The following PTPRU variants were observed in gnomAD, a reference collection of about 807,000 sequenced individuals.
PTPRU encodes receptor-type tyrosine-protein phosphatase U.
In PTPRU, 69 loss-of-function variants were observed where a neutral mutation model predicts 166.3. The ratio of observed to expected loss-of-function variants is 0.41; its 90% CI spans 0.34 to 0.51. PTPRU has a LOEUF of 0.51. Ranked by LOEUF, PTPRU falls within the 20% of genes least tolerant of loss-of-function variation. The pLI is 0.09. For missense variants in PTPRU, 1,657 were observed against 2,013.7 expected (o/e 0.82, Z 3.39); for synonymous variants, 793 against 814.0 (o/e 0.97, Z 0.44).
chr1:29,260,431 T>G lies in PTPRU; in HGVS notation c.851-179T>G, dbSNP rs1574624603. On this transcript the variant is annotated intron_variant, in intron 6 of 29. Transcript: ENST00000373779. This position sits in a 1 kb window ranked among gnomAD's most constrained non-coding sequence, Gnocchi z 8.3. Reference sequence around the variant, plus strand: ...GGCGGGGTCAGCCTTTGGAGCCAGGTGCCCCTTAGGGCCCGGGATTTAGTG... The same window carrying G: ...GGCGGGGTCAGCCTTTGGAGCCAGGGGCCCCTTAGGGCCCGGGATTTAGTG... Among the ~76,000 whole-genome samples, 1 of 151,796 alleles carries G rather than the reference T, an allele frequency of 6.6e-6. No homozygotes were observed. The highest frequency in any genetic ancestry group is 2.4e-5 in the African/African-American group (1 of 41,312).
intron 7 of PTPRU, among the ~76,000 whole-genome samples, chr1:29,270,698 C>A (rs1685523530): frequency 6.6e-6 from 1 of 152,152 alleles, no homozygotes; most frequent in South Asian, 2.1e-4. Context: ...TGCAGTGGCT[C>A]ATGCCTGTAA....
intron 15 of PTPRU, among the ~76,000 whole-genome samples, chr1:29,295,840 C>G (rs2151959628): frequency 6.6e-6 from 1 of 152,188 alleles, no homozygotes; most frequent in Non-Finnish European, 1.5e-5. Flanking sequence ...ACGTGCGCCA[C>G]CATGCCCAGC....
Position 29,275,451 on chromosome 1 carries a change from C to A in PTPRU, c.1148C>A (p.Pro383His), listed in dbSNP as rs770800809. The stretch of plus-strand genomic sequence containing the variant: ...CTCTGCTTCCTGCATTCTCCAGAGC[C>A]CATGAGGGCCCCCAAAGGCCTGGCT... The part of the protein sequence containing the change: ...PLISRTKCAE[P>H]MRAPKGLAFA... Residue 383 changes from proline (P) to histidine (H), a missense_variant, in exon 8 of 30, where the codon CCC becomes CAC. Pro to His is a moderately conservative substitution (Grantham distance 77). Coordinates refer to ENST00000373779, the MANE Select transcript of PTPRU (RefSeq NM_133178.4). 6.2e-7 allele frequency: 1 copy of A among 1,612,038 alleles called. No individual in the cohort carries two copies.
Position 29,315,687 on chromosome 1 carries a change from TC to T in PTPRU, c.3363+181del, listed in dbSNP as rs760770765. 2.0e-5 allele frequency among the ~76,000 whole-genome samples: 3 copies of T among 152,206 alleles called. No homozygotes were observed. The highest frequency in any genetic ancestry group is 2.9e-5 in the Non-Finnish European group (2 of 68,034). ...GTCATCCTGAACTGCTCCCCTGTGT[TC>T]TGTTGGGTGGGGTCAGACAACCGGT... On this transcript the variant is annotated intron_variant, in intron 23 of 29. Coordinates refer to ENST00000373779, the MANE Select transcript of PTPRU (RefSeq NM_133178.4). The surrounding 1 kb of genome is among the most constrained non-coding windows in gnomAD (Gnocchi z 4.5).
Position 29,311,779 on chromosome 1 carries a change from G to C in PTPRU, c.3072+20G>C. ...GAGCGGGTGAGTCTCCCCACCGCCT[G>C]TTCCCTGCAGAGGGTGCCTGAGCAG... On this transcript the variant is annotated intron_variant, in intron 21 of 29. Coordinates refer to ENST00000373779, the MANE Select transcript of PTPRU (RefSeq NM_133178.4). This position sits in a 1 kb window ranked among gnomAD's most constrained non-coding sequence, Gnocchi z 4.1. 1 of 1,604,468 alleles carries C rather than the reference G, an allele frequency of 6.2e-7. No individual in the cohort carries two copies. Among genetic ancestry groups the C allele is most frequent in the African/African-American group, 1.3e-5 (1 of 74,830 alleles).
At chr1:29,256,313 G>T (rs926129614) in intron 2 of PTPRU, among the ~76,000 whole-genome samples, 5 of 152,206 alleles carry the variant, frequency 3.3e-5, no homozygotes, top group African/African-American at 9.6e-5. Context: ...AGGCCAAATT[G>T]TCAACTTTAT....
chr1:29,269,005 C>G (rs1685420476), intron 7 of PTPRU, among the ~76,000 whole-genome samples: 2 of 152,108 alleles, frequency 1.3e-5, no homozygotes, highest in South Asian at 4.1e-4. Context: ...ATTTGAATCT[C>G]TTGATTTCTC....
rs1683811999 is a variant in PTPRU, at chr1:29,237,268, G to T, written c.73+551G>T. ...TTGAGATCCGTGTACATGTGTGAAG[G>T]CGTGGGAACGGGTCCGGAACGTGTG... On this transcript the variant is annotated intron_variant, in intron 1 of 29. Coordinates refer to ENST00000373779, the MANE Select transcript of PTPRU (RefSeq NM_133178.4). This position sits in a 1 kb window ranked among gnomAD's most constrained non-coding sequence, Gnocchi z 6.4. Among the ~76,000 whole-genome samples, 1 of 151,754 alleles carries T rather than the reference G, an allele frequency of 6.6e-6. No homozygotes were observed. The highest frequency in any genetic ancestry group is 2.1e-4 in the South Asian group (1 of 4,802).
In PTPRU at chr1:29,315,926, G is replaced by A. The variant is rs1574721461; in HGVS notation, c.3364-76G>A. ...TCAGGACACCCTGCTTCAACCTTGA[G>A]CTTGCTTAAGCCCCATCACCACAGA... On this transcript the variant is annotated intron_variant, in intron 23 of 29. Transcript: ENST00000373779. This position sits in a 1 kb window ranked among gnomAD's most constrained non-coding sequence, Gnocchi z 4.5. 1.9e-6 allele frequency: 3 copies of A among 1,540,806 alleles called. No homozygotes were observed. Among genetic ancestry groups the A allele is most frequent in the East Asian group, 4.5e-5 (2 of 44,136 alleles).
intron 14 of PTPRU, among the ~76,000 whole-genome samples, chr1:29,290,147 A>T (rs958321558): frequency 2.6e-5 from 4 of 152,068 alleles, no homozygotes; most frequent in Non-Finnish European, 4.4e-5. Context: ...GGTGGGGCCT[A>T]CCTGTTCTGA....
intron 14 of PTPRU, among the ~76,000 whole-genome samples, chr1:29,287,936 C>G (rs933847234): frequency 6.6e-6 from 1 of 151,070 alleles, no homozygotes; most frequent in Non-Finnish European, 1.5e-5. Context: ...GCCTCAGCCT[C>G]CTGAGTAGCT....
At position 29,291,906 on chromosome 1, in the gene PTPRU, C is replaced by T; in HGVS notation, c.2356C>T (p.Arg786Cys). The change falls in exon 15 of 30, where the codon CGC becomes TGC. Residue 786 changes from arginine (R) to cysteine (C), a missense_variant. Arg to Cys is a radical substitution (Grantham distance 180). Coordinates refer to ENST00000373779, the MANE Select transcript of PTPRU (RefSeq NM_133178.4). This position sits in a 1 kb window ranked among gnomAD's most constrained non-coding sequence, Gnocchi z 4.1. ...VNMTKATVNY[R>C]QEKTHMMSAV... ...CATGACCAAGGCCACCGTCAACTAC[C>T]GCCAGGAGAAGACACACATGATGAG... 8 of 1,614,102 alleles carry T rather than the reference C, an allele frequency of 5.0e-6. No homozygotes were observed. Among genetic ancestry groups the T allele is most frequent in the Admixed American group, 1.7e-5 (1 of 60,002 alleles).
intron 18 of PTPRU, among the ~76,000 whole-genome samples, chr1:29,308,250 C>T (rs1412489493): frequency 6.6e-6 from 1 of 151,102 alleles, no homozygotes; most frequent in South Asian, 2.1e-4. Flanking sequence ...GCTGGGACTA[C>T]AGGCGTGTGC....
Position 29,317,990 on chromosome 1 carries a change from C to T in PTPRU, c.3687+69C>T. 1 of 1,560,984 alleles carries T rather than the reference C, an allele frequency of 6.4e-7. No homozygotes were observed. The highest frequency in any genetic ancestry group is 8.7e-7 in the Non-Finnish European group (1 of 1,146,538). On this transcript the variant is annotated intron_variant, in intron 25 of 29. Transcript: ENST00000373779. The surrounding 1 kb of genome is among the most constrained non-coding windows in gnomAD (Gnocchi z 5.6). The stretch of plus-strand genomic sequence containing the variant: ...GCAGCATCAGGGAAGGTCCAGGGGC[C>T]ACGGGAACAAAGCTGAAGGCTCTGT...
intron 7 of PTPRU, among the ~76,000 whole-genome samples, chr1:29,262,469 T>C (rs933182452): frequency 3.9e-5 from 6 of 152,218 alleles, no homozygotes; most frequent in African/African-American, 9.6e-5. Flanking sequence ...TACAATAAGA[T>C]ATTTTGAGAG....
chr1:29,269,484 G>A (rs1428257836), intron 7 of PTPRU, among the ~76,000 whole-genome samples: 3 of 151,580 alleles, frequency 2.0e-5, no homozygotes, highest in African/African-American at 7.3e-5. Flanking sequence ...CTGTGAAACA[G>A]TTTTCATAGG....
chr1:29,284,909 C>T, intron 14 of PTPRU, 40 bp downstream of exon 14: 1 of 1,576,156 alleles, frequency 6.3e-7, no homozygotes. Flanking sequence ...GTGGCTTCTA[C>T]CCCTTAGAGG....
At position 29,252,360 on chromosome 1, in the gene PTPRU, T is replaced by C. The variant is rs528653096; in HGVS notation, c.74-2915T>C. On this transcript the variant is annotated intron_variant, in intron 1 of 29. Coordinates refer to ENST00000373779, the MANE Select transcript of PTPRU (RefSeq NM_133178.4). ...TCAGCTCACTGCAACCTCTGCCTGC[T>C]GGGTTCAAGTGATTCTTCTATTTCT... 2.0e-5 allele frequency among the ~76,000 whole-genome samples: 3 copies of C among 151,484 alleles called. No homozygotes were observed. In the South Asian group the frequency reaches 6.3e-4, roughly 32 times the overall value.
At position 29,259,282 on chromosome 1, in the gene PTPRU, T is replaced by G; in HGVS notation, c.499T>G (p.Ser167Ala). ...CCAGGTGCTGTTTGAGGCCCTCATC[T>G]CCCCAGACCGCAGGGGCTACATGGG... ...EYQVLFEALI[S>A]PDRRGYMGLD... The change falls in exon 4 of 30, where the codon TCC (serine) becomes GCC (alanine). Residue 167 changes from serine (S) to alanine (A), a missense_variant. Ser to Ala is a moderately conservative substitution (Grantham distance 99). Transcript: ENST00000373779. 1 of 1,613,738 alleles carries G rather than the reference T, an allele frequency of 6.2e-7. No individual in the cohort carries two copies. The highest frequency in any genetic ancestry group is 8.5e-7 in the Non-Finnish European group (1 of 1,179,814).
Sources: allele counts gnomAD v4.1 joint callset (sites outside exome capture counted in the v4.1 genomes callset), GRCh38; gene constraint gnomAD v4.1.1; non-coding constraint Gnocchi (gnomAD v3.1); transcripts MANE v1.5; gene names NCBI Gene and HGNC (gene_info 2026-07-23, HGNC 2026-07-21).